SCHIP1: variants seen among roughly 807,000 people sequenced by gnomAD.
SCHIP1 encodes schwannomin-interacting protein 1.
In SCHIP1, 8 loss-of-function variants were observed where a neutral mutation model predicts 29.7. The observed-to-expected ratio is 0.27, with a 90% CI of 0.16 to 0.49. The LOEUF (loss-of-function observed/expected upper bound fraction) is 0.49, where lower values mean the gene tolerates loss of function less well. SCHIP1 is among the 20% of genes least tolerant of loss of function. The probability of loss-of-function intolerance (pLI) is 0.99; values close to 1 mark genes in which losing one functional copy is unlikely to be tolerated. For synonymous variants in SCHIP1, 76 were observed against 94.9 expected (o/e 0.80, Z 1.16); for missense variants, 193 against 294.6 (o/e 0.66, Z 2.52).
chr3:159,848,279 G>A (rs923228725), intron 1 of SCHIP1, among the ~76,000 whole-genome samples: 23 of 152,166 alleles, frequency 1.5e-4, no homozygotes, highest in Non-Finnish European at 4.4e-5. Flanking sequence ...CTAAGGGAGA[G>A]CGCTAGTATC....
At chr3:159,338,932 G>A in the SCHIP1 span, among the ~76,000 whole-genome samples, 1 of 152,014 alleles carries the variant, frequency 6.6e-6, no homozygotes, top group Non-Finnish European at 1.5e-5. Flanking sequence ...ACATACACTG[G>A]AAAATGTGAC....
At chr3:159,634,858 A>G in the SCHIP1 span, among the ~76,000 whole-genome samples, 2 of 152,132 alleles carry the variant, frequency 1.3e-5, no homozygotes, top group African/African-American at 4.8e-5. Context: ...CATTATTTTG[A>G]TGCCATGGCT....
At chr3:159,496,710 A>C in the SCHIP1 span, among the ~76,000 whole-genome samples, 13 of 152,166 alleles carry the variant, frequency 8.5e-5, no homozygotes, top group Admixed American at 8.5e-4. Context: ...TTTCTCAGGG[A>C]TCTAGAACTA....
intron 5 of SCHIP1, among the ~76,000 whole-genome samples, chr3:159,890,694 C>G (rs1717422849): frequency 6.6e-6 from 1 of 152,002 alleles, no homozygotes. Flanking sequence ...AAAACATCTT[C>G]CTTAGACTTT....
At chr3:159,713,077 C>A in the SCHIP1 span, among the ~76,000 whole-genome samples, 2 of 150,696 alleles carry the variant, frequency 1.3e-5, no homozygotes, top group Admixed American at 6.6e-5. Flanking sequence ...ATTGCTTGAA[C>A]CTGTGAGGCA....
chr3:159,785,215 G>A, the SCHIP1 span, among the ~76,000 whole-genome samples: 1 of 152,078 alleles, frequency 6.6e-6, no homozygotes, highest in African/African-American at 2.4e-5. Flanking sequence ...AAATAAAAAG[G>A]TTGCAGGGTG....
chr3:159,454,036 G>C, the SCHIP1 span, among the ~76,000 whole-genome samples: 1 of 152,198 alleles, frequency 6.6e-6, no homozygotes, highest in African/African-American at 2.4e-5. Flanking sequence ...TTTATCTGCA[G>C]CCTGCAACTC....
At chr3:159,563,066 G>A in the SCHIP1 span, among the ~76,000 whole-genome samples, 1 of 152,148 alleles carries the variant, frequency 6.6e-6, no homozygotes, top group Non-Finnish European at 1.5e-5. Context: ...TTTTAGTAGA[G>A]ATATTACAAC....
the SCHIP1 span, among the ~76,000 whole-genome samples, chr3:159,336,262 A>G: frequency 1.3e-5 from 2 of 152,146 alleles, no homozygotes; most frequent in Admixed American, 1.3e-4. Context: ...TCAGATGAGT[A>G]GATTGCAAAA....
the SCHIP1 span, among the ~76,000 whole-genome samples, chr3:159,715,682 T>C: frequency 1.4e-4 from 21 of 152,090 alleles, no homozygotes; most frequent in East Asian, 3.9e-3. Flanking sequence ...TGAAATGAAG[T>C]GAGAAGAGAA....
chr3:159,836,331 G>A (rs541762567), upstream of SCHIP1, among the ~76,000 whole-genome samples: 1 of 152,302 alleles, frequency 6.6e-6, no homozygotes, highest in South Asian at 2.1e-4. Context: ...GAAGGGGCAA[G>A]GTAGCTCTCT....
At chr3:159,444,880 C>T in the SCHIP1 span, among the ~76,000 whole-genome samples, 1 of 152,106 alleles carries the variant, frequency 6.6e-6, no homozygotes, top group Non-Finnish European at 1.5e-5. Flanking sequence ...GTCAATTTAA[C>T]CTGATGTTGA....
At chr3:159,633,872 A>G in the SCHIP1 span, among the ~76,000 whole-genome samples, 14 of 152,200 alleles carry the variant, frequency 9.2e-5, no homozygotes, top group African/African-American at 3.4e-4. Context: ...AGTGATAGGC[A>G]TTAGAGGGTT....
the SCHIP1 span, among the ~76,000 whole-genome samples, chr3:159,740,361 T>C: frequency 6.6e-6 from 1 of 152,162 alleles, no homozygotes; most frequent in African/African-American, 2.4e-5. Flanking sequence ...CAAAAGGTTG[T>C]TGTGTCCTGA....
At chr3:159,454,025 C>T in the SCHIP1 span, among the ~76,000 whole-genome samples, 3 of 152,198 alleles carry the variant, frequency 2.0e-5, no homozygotes, top group African/African-American at 4.8e-5. Context: ...AATTCCAGGT[C>T]TTTATCTGCA....
At chr3:159,752,053 C>T in the SCHIP1 span, among the ~76,000 whole-genome samples, 1 of 151,722 alleles carries the variant, frequency 6.6e-6, no homozygotes, top group African/African-American at 2.4e-5. Flanking sequence ...ACCCACAACC[C>T]AGGCCCAGCT....
chr3:159,722,402 G>A, the SCHIP1 span: 1 of 152,606 alleles, frequency 6.6e-6, no homozygotes, highest in African/African-American at 2.4e-5. Context: ...CTATCTTATA[G>A]AGAGAATAAT....
chr3:159,395,099 G>T, the SCHIP1 span, among the ~76,000 whole-genome samples: 3 of 152,176 alleles, frequency 2.0e-5, no homozygotes, highest in Non-Finnish European at 2.9e-5. Flanking sequence ...TAGTTTATTT[G>T]CATAGAGGTG....
chr3:159,812,674 C>T, the SCHIP1 span, among the ~76,000 whole-genome samples: 4 of 152,266 alleles, frequency 2.6e-5, no homozygotes, highest in African/African-American at 9.6e-5. Context: ...TGTAAATTCA[C>T]TTGGATTTGT....
Sources: gnomAD v4.1 joint callset for allele counts (sites outside exome capture counted in the v4.1 genomes callset) on GRCh38, gnomAD v4.1.1 for gene constraint, MANE v1.5 for transcripts, NCBI Gene and HGNC (gene_info 2026-07-23, HGNC 2026-07-21) for gene names.